The following RBFOX2 variants were observed in gnomAD, a reference collection of about 807,000 sequenced individuals.
RBFOX2 encodes the protein RNA binding fox-1 homolog 2, also known as RNA binding protein fox-1 homolog 2.
RBFOX2 carries 10 observed loss-of-function variants against 49.1 expected under a neutral mutation model. The observed-to-expected ratio is 0.20, with a 90% confidence interval of 0.13 to 0.35. The LOEUF (loss-of-function observed/expected upper bound fraction) is 0.35, where lower values mean the gene tolerates loss of function less well. Among genes scored for constraint, RBFOX2 ranks in the 10% least tolerant of loss-of-function variants. The pLI is 1.00. For synonymous variants in RBFOX2, 183 were observed against 187.4 expected (o/e 0.98, Z 0.19); for missense variants, 323 against 486.9 (o/e 0.66, Z 3.17).
intron 1 of RBFOX2, among the ~76,000 whole-genome samples, chr22:35,936,920 C>T (rs754476983): frequency 6.6e-6 from 1 of 152,160 alleles, no homozygotes; most frequent in Non-Finnish European, 1.5e-5. Context: ...ATTAGCTTTA[C>T]CTTCCTAAAT....
At chr22:35,747,138 T>C (rs376592180) in intron 9 of RBFOX2, 3 of 152,296 alleles carry the variant, frequency 2.0e-5, no homozygotes, top group East Asian at 3.9e-4. Flanking sequence ...GTCAGCAAAC[T>C]CTGGCCTGTG....
chr22:35,829,205 A>C (rs569456609), intron 1 of RBFOX2, among the ~76,000 whole-genome samples: 67 of 152,344 alleles, frequency 4.4e-4, no homozygotes, highest in South Asian at 2.5e-3. Flanking sequence ...TTCACAATGT[A>C]TGGCATCCAG....
intron 1 of RBFOX2, among the ~76,000 whole-genome samples, chr22:35,820,971 C>T (rs1312517476): frequency 1.3e-5 from 2 of 152,086 alleles, no homozygotes; most frequent in African/African-American, 4.8e-5. Flanking sequence ...GCAGACTTGG[C>T]AGAACCTGGC....
chr22:35,970,577 C>CT (rs1005383014), intron 1 of RBFOX2, among the ~76,000 whole-genome samples: 2 of 151,972 alleles, frequency 1.3e-5, no homozygotes, highest in African/African-American at 4.8e-5. Context: ...AGGAGGATTG[C>CT]TTGAGCCCAG....
At chr22:35,818,629 T>A (rs569716837) in intron 1 of RBFOX2, among the ~76,000 whole-genome samples, 190 of 151,812 alleles carry the variant, frequency 1.3e-3, no homozygotes, top group African/African-American at 3.7e-3. Context: ...ACAAAAAAAA[T>A]TTTTTTAAAT....
intron 1 of RBFOX2, among the ~76,000 whole-genome samples, chr22:35,990,107 C>T (rs1032165857): frequency 1.3e-5 from 2 of 152,132 alleles, no homozygotes; most frequent in African/African-American, 4.8e-5. Context: ...CGCTTCAACT[C>T]AGGAGGCAGA....
intron 1 of RBFOX2, among the ~76,000 whole-genome samples, chr22:35,896,852 G>T (rs1202959949): frequency 6.6e-6 from 1 of 152,046 alleles, no homozygotes; most frequent in African/African-American, 2.4e-5. Flanking sequence ...TTCCAAGCCT[G>T]AAACTGAGAT....
chr22:35,778,175 A>G (rs1278052139), intron 3 of RBFOX2, 97 bp from the exon 5 acceptor site: 4 of 967,596 alleles, frequency 4.1e-6, no homozygotes, highest in Non-Finnish European at 6.3e-6. Flanking sequence ...TTTCTTCTTC[A>G]GTAAACTACT....
intron 1 of RBFOX2, among the ~76,000 whole-genome samples, chr22:35,991,610 C>T (rs2057984968): frequency 1.3e-5 from 2 of 152,112 alleles, no homozygotes; most frequent in African/African-American, 4.8e-5. Context: ...ACCATGTCAC[C>T]TACCAAACAT....
rs1192518290 is a variant in RBFOX2, at chr22:35,878,041, CACA to C, written c.-34+60803_-34+60805del. Among the ~76,000 whole-genome samples the C allele has an allele frequency of 6.9e-3, 443 of 64,166 alleles. 4 individuals carry two copies. The highest frequency in any genetic ancestry group is 0.024 in the African/African-American group (349 of 14,650). 42.1% of individuals were successfully genotyped at this position (64,166 alleles called of 152,430 possible). On this transcript the variant is annotated intron_variant, in intron 1 of 13. Transcript: ENST00000359369. ...ATACATACTACTACTACTACTACTA[CACA>C]CACACACACACACACACACACACAC...
chr22:35,772,647 C>T (rs1446677100), intron 4 of RBFOX2, among the ~76,000 whole-genome samples: 1 of 152,088 alleles, frequency 6.6e-6, no homozygotes, highest in East Asian at 1.9e-4. Context: ...ACCAGTGTTA[C>T]ATTAGTGATT....
chr22:35,981,436 G>A (rs2057450286), intron 1 of RBFOX2, among the ~76,000 whole-genome samples: 1 of 152,154 alleles, frequency 6.6e-6, no homozygotes, highest in South Asian at 2.1e-4. Context: ...GAGGCCAGGA[G>A]TTCGAGACCA....
intron 1 of RBFOX2, among the ~76,000 whole-genome samples, chr22:35,932,920 A>T (rs2052598237): frequency 6.6e-6 from 1 of 152,236 alleles, no homozygotes; most frequent in Non-Finnish European, 1.5e-5. Flanking sequence ...ATATGAAAAG[A>T]TAAAATTTAG....
intron 1 of RBFOX2, among the ~76,000 whole-genome samples, chr22:35,811,880 G>A (rs1032156963): frequency 1.3e-5 from 2 of 151,224 alleles, no homozygotes; most frequent in Non-Finnish European, 2.9e-5. Flanking sequence ...AGGACTGCTT[G>A]AGCCCAGGAG....
chr22:35,913,245 G>A (rs2050023292), intron 1 of RBFOX2, among the ~76,000 whole-genome samples: 1 of 152,030 alleles, frequency 6.6e-6, no homozygotes, highest in African/African-American at 2.4e-5. Context: ...AGGCAGAGGA[G>A]GAAAGGAAGA....
At chr22:35,815,910 A>G (rs938297149) in intron 1 of RBFOX2, among the ~76,000 whole-genome samples, 2 of 152,236 alleles carry the variant, frequency 1.3e-5, no homozygotes, top group Non-Finnish European at 2.9e-5. Flanking sequence ...GTTTAAAAAA[A>G]AAGAGTACCT....
At chr22:36,006,291 A>T (rs1290238381) in intron 1 of RBFOX2, among the ~76,000 whole-genome samples, 1 of 152,224 alleles carries the variant, frequency 6.6e-6, no homozygotes, top group African/African-American at 2.4e-5. Context: ...AAATATAATC[A>T]AACAGAACAT....
At position 35,745,973 on chromosome 22, in the gene RBFOX2, C is replaced by T. The variant is rs771797500; in HGVS notation, c.999G>A (p.Pro333=). The change falls in exon 11 of 12, where the codon CCG becomes CCA. Residue 333 remains proline, a synonymous_variant. Coordinates refer to ENST00000405409, the Ensembl canonical transcript of RBFOX2. ...GCAGGGGCAAGGGCATGGTAGGGGT[C>T]GGCTGTGTACACCCTGCCATAACTG... 6 of 1,613,866 alleles carry T rather than the reference C, an allele frequency of 3.7e-6. No homozygotes were observed. The highest frequency in any genetic ancestry group is 1.1e-5 in the South Asian group (1 of 91,052).
intron 6 of RBFOX2, among the ~76,000 whole-genome samples, chr22:35,763,517 G>C (rs1297143621): frequency 6.6e-6 from 1 of 152,168 alleles, no homozygotes; most frequent in African/African-American, 2.4e-5. Context: ...AGCTGAGATC[G>C]CACCACTGTA....
Sources: gnomAD v4.1 joint callset for allele counts (sites outside exome capture counted in the v4.1 genomes callset) on GRCh38, gnomAD v4.1.1 for gene constraint, MANE v1.5 for transcripts, NCBI Gene and HGNC (gene_info 2026-07-23, HGNC 2026-07-21) for gene names.